The following C3 variants were observed in gnomAD, a reference collection of about 807,000 sequenced individuals.
C3 encodes C3 and PZP-like alpha-2-macroglobulin domain-containing protein 1.
A neutral mutation model predicts 207.9 loss-of-function variants in C3; 97 were observed. That is an observed-to-expected ratio of 0.47 (90% CI 0.40 to 0.55). The LOEUF is 0.55. Among genes scored for constraint, C3 ranks in the 20% least tolerant of loss-of-function variants. The probability of loss-of-function intolerance (pLI) is 0.00; values close to 1 mark genes in which losing one functional copy is unlikely to be tolerated. For synonymous variants in C3, 848 were observed against 857.6 expected (o/e 0.99, Z 0.20); for missense variants, 1,684 against 2,171.7 (o/e 0.78, Z 4.46).
In C3 at chr19:6,702,100, C is replaced by T. The variant is rs111594143; in HGVS notation, c.2440+27G>A. ...CAGACACCCTGGGGTCCCTGCCTCC[C>T]GGGGACCAGCCAGCATCCTCTCTCA... On this transcript the variant is annotated intron_variant, in intron 19 of 40. Transcript: ENST00000245907. The T allele has an allele frequency of 2.1e-4, 287 of 1,347,870 alleles. 1 individual carries two copies. The highest frequency in any genetic ancestry group is 4.1e-4 in the African/African-American group (28 of 68,934). 83.5% of individuals were successfully genotyped at this position (1,347,870 alleles called of 1,614,324 possible).
At chr19:6,695,138 C>T (rs1381361947) in intron 23 of C3, among the ~76,000 whole-genome samples, 3 of 151,650 alleles carry the variant, frequency 2.0e-5, no homozygotes, top group East Asian at 2.0e-4. Flanking sequence ...GGCATGGTGG[C>T]GGGCGCCTGT....
chr19:6,712,765 A>C, intron 9 of C3, 142 bp from the exon 10 acceptor site: 1 of 748,514 alleles, frequency 1.3e-6, no homozygotes, highest in Non-Finnish European at 2.4e-6. Flanking sequence ...GCCCCCCATC[A>C]GACTGGACTC....
intron 12 of C3, 58 bp downstream of exon 12, chr19:6,710,928 CA>C (rs1967909778): frequency 1.9e-6 from 3 of 1,603,780 alleles, no homozygotes; most frequent in South Asian, 1.1e-5. Context: ...GAAGGAGTCC[CA>C]GGGGTGCGGA....
chr19:6,690,366 T>A (rs2052696927), intron 27 of C3, among the ~76,000 whole-genome samples: 1 of 152,212 alleles, frequency 6.6e-6, no homozygotes, highest in African/African-American at 2.4e-5. Context: ...TTTTCTCATC[T>A]GCAAACTGGG....
At chr19:6,713,603 C>A in intron 7 of C3, 94 bp from the exon 8 acceptor site, 2 of 973,230 alleles carry the variant, frequency 2.1e-6, no homozygotes, top group South Asian at 1.4e-5. Context: ...CTGGAGCCCC[C>A]AACCCACTGC....
chr19:6,686,080 A>G (rs1917999251), intron 29 of C3, 44 bp downstream of exon 29: 1 of 1,604,000 alleles, frequency 6.2e-7, no homozygotes, highest in Non-Finnish European at 8.5e-7. Flanking sequence ...GGGAAGCCGC[A>G]GGAGACAGGG....
chr19:6,717,288 T>A (rs1968051075), intron 4 of C3: 1 of 154,028 alleles, frequency 6.5e-6, no homozygotes, highest in South Asian at 2.0e-4. Flanking sequence ...ATCCCGATAT[T>A]CAGATAAGGT....
intron 26 of C3, among the ~76,000 whole-genome samples, chr19:6,691,074 G>GTTTA (rs1918154939): frequency 2.9e-5 from 4 of 137,324 alleles, no homozygotes; most frequent in African/African-American, 1.1e-4. Context: ...TTTTTTTTTG[G>GTTTA]GACAGTTTTG....
intron 11 of C3, among the ~76,000 whole-genome samples, chr19:6,711,649 C>T (rs993446367): frequency 5.3e-5 from 8 of 152,198 alleles, no homozygotes; most frequent in African/African-American, 1.9e-4. Flanking sequence ...CGGAAATTCA[C>T]GCACATGCTG....
intron 21 of C3, among the ~76,000 whole-genome samples, chr19:6,696,972 G>A (rs1489822875): frequency 1.3e-5 from 2 of 150,650 alleles, no homozygotes; most frequent in African/African-American, 4.9e-5. Context: ...AACCCGGGAG[G>A]CGGATATTGC....
At position 6,710,417 on chromosome 19, in the gene C3, TAAAGAGAGAGGGAAAGA is replaced by T. The variant is rs1389639553; in HGVS notation, c.1686+205_1686+221del. Among the ~76,000 whole-genome samples the T allele has an allele frequency of 4.7e-3, 500 of 106,282 alleles. 2 individuals are homozygous for T. The highest frequency in any genetic ancestry group is 9.9e-3 in the Admixed American group (98 of 9,896). The allele number at this position is 106,282 out of a possible 152,430, so 69.7% of individuals were successfully genotyped here. ...AGGGAGAGAGAGAAGGAAAGAGAAA[TAAAGAGAGAGGGAAAGA>T]GAGATGTAGAGAGAGGGAAAGAGAG... On this transcript the variant is annotated intron_variant, in intron 13 of 40. Coordinates refer to ENST00000245907, the MANE Select transcript of C3 (RefSeq NM_000064.4).
rs1302470171 is a variant in C3 at position 6,719,524 on chromosome 19, G to A, written c.75-121C>T. The stretch of plus-strand genomic sequence containing the variant: ...CCTCTGGTCCTGGAGAGGATCCAGT[G>A]ACTGCCGGCGCACTTGCCAATGCCA... On this transcript the variant is annotated intron_variant, in intron 1 of 40. Transcript: ENST00000245907. This position sits in a 1 kb window ranked among gnomAD's most constrained non-coding sequence, Gnocchi z 5.4. 3 of 849,510 alleles carry A rather than the reference G, an allele frequency of 3.5e-6. No homozygotes were observed. The African/African-American group carries it at 5.0e-5, about 14-fold the overall frequency. The allele number at this position is 849,510 out of a possible 1,614,324, so 52.6% of individuals were successfully genotyped here.
In C3 at chr19:6,710,776, G is replaced by A; in HGVS notation, c.1549C>T (p.Leu517=). The A allele has an allele frequency of 6.2e-7, 1 of 1,613,846 alleles. No individual in the cohort carries two copies. The highest frequency in any genetic ancestry group is 1.7e-5 in the Admixed American group (1 of 60,028). ...VREPGQDLVV[L]PLSITTDFIP... ...AAGTCGGTGGTGATGGACAGGGGCA[G>A]CACCACCAGGTCCTGGCCGGGCTCT... The change falls in exon 13 of 41, where the codon CTG becomes TTG. Residue 517 remains leucine, a synonymous_variant. Transcript: ENST00000245907.
At chr19:6,679,102 A>T in intron 38 of C3, 23 bp downstream of exon 38, 4 of 1,575,676 alleles carry the variant, frequency 2.5e-6, no homozygotes, top group Non-Finnish European at 3.5e-6. Flanking sequence ...AACATGCGTG[A>T]CCCCCACCCA....
At chr19:6,678,129 G>A (rs751987860) in intron 40 of C3, 23 bp downstream of exon 40, 1 of 1,614,108 alleles carries the variant, frequency 6.2e-7, no homozygotes, top group Non-Finnish European at 8.5e-7. Context: ...GCGGTCGCGC[G>A]CACGCGCAGG....
At chr19:6,682,491 A>G (rs1568210678) in intron 33 of C3, 1 of 457,550 alleles carries the variant, frequency 2.2e-6, no homozygotes, top group Non-Finnish European at 4.0e-6. Context: ...TGGATGCATT[A>G]TTTGACCCTC....
intron 27 of C3, among the ~76,000 whole-genome samples, chr19:6,688,607 C>T (rs1918074099): frequency 1.3e-5 from 2 of 152,126 alleles, no homozygotes; most frequent in South Asian, 2.1e-4. Context: ...GCAACCTCCA[C>T]CTCCCTGGTT....
chr19:6,683,398 A>C (rs940839835), intron 33 of C3: 1 of 148,378 alleles, frequency 6.7e-6, no homozygotes, highest in African/African-American at 2.5e-5. Context: ...TCAAATACTC[A>C]TCTTACTATG....
rs528479881 is a variant in C3 at position 6,713,605 on chromosome 19, A to G, written c.774-96T>C. ...CCTGTGCTGAAGACTGGAGCCCCCAACCCACTGCTGGCCTCTCACCTGGCC... is the reference window on the plus strand; with the variant it reads ...CCTGTGCTGAAGACTGGAGCCCCCAGCCCACTGCTGGCCTCTCACCTGGCC... On this transcript the variant is annotated intron_variant, in intron 7 of 40. Coordinates refer to ENST00000245907, the MANE Select transcript of C3 (RefSeq NM_000064.4). 8 of 951,034 alleles carry G rather than the reference A, an allele frequency of 8.4e-6. No individual in the cohort carries two copies. In the Admixed American group the frequency reaches 1.2e-4, roughly 14 times the overall value. The allele number at this position is 951,034 out of a possible 1,614,324, so 58.9% of individuals were successfully genotyped here.
Sources: gnomAD v4.1 joint callset for allele counts (sites outside exome capture counted in the v4.1 genomes callset) on GRCh38, gnomAD v4.1.1 for gene constraint, Gnocchi (gnomAD v3.1) non-coding constraint, MANE v1.5 for transcripts, NCBI Gene and HGNC (gene_info 2026-07-23, HGNC 2026-07-21) for gene names.